The following SREBF2 variants were observed in gnomAD, a reference collection of about 807,000 sequenced individuals.
SREBF2 encodes the protein sterol regulatory element-binding protein 2.
A neutral mutation model predicts 113.1 loss-of-function variants in SREBF2; 55 were observed. The observed-to-expected ratio is 0.49, with a 90% CI of 0.39 to 0.61. The LOEUF is 0.61. Ranked by LOEUF, SREBF2 falls within the 20% of genes least tolerant of loss-of-function variation. The probability of loss-of-function intolerance (pLI) is 0.00; values close to 1 mark genes in which losing one functional copy is unlikely to be tolerated. For synonymous variants in SREBF2, 593 were observed against 605.7 expected, an observed-to-expected ratio of 0.98 and a Z score of 0.31; for missense variants, 1,349 against 1,487.4, an observed-to-expected ratio of 0.91 and a Z score of 1.53.
At chr22:41,848,114 A>C (rs918991278) in intron 1 of SREBF2, among the ~76,000 whole-genome samples, 2 of 151,692 alleles carry the variant, frequency 1.3e-5, no homozygotes, top group Non-Finnish European at 2.9e-5. Flanking sequence ...ATTTATTATT[A>C]TTATACTTTG....
At chr22:41,873,687 A>G in intron 4 of SREBF2, 111 bp from the exon 5 acceptor site, 1 of 1,069,634 alleles carries the variant, frequency 9.3e-7, no homozygotes, top group East Asian at 2.6e-5. Flanking sequence ...AGACCTCATG[A>G]AGTACTGCCA....
rs1323183501 is a variant in SREBF2 at position 41,842,498 on chromosome 22, C to G, written c.88+9140C>G. On this transcript the variant is annotated intron_variant, in intron 1 of 18. Coordinates refer to ENST00000361204, the MANE Select transcript of SREBF2 (RefSeq NM_004599.4). ...GATGATGCCCTGTAATTTATTCATCCAGTCCTTTTTTGATGGACATCTGAA... is the reference window on the plus strand; with the variant it reads ...GATGATGCCCTGTAATTTATTCATCGAGTCCTTTTTTGATGGACATCTGAA... Among the ~76,000 whole-genome samples the G allele has an allele frequency of 2.0e-5, 3 of 152,224 alleles. No homozygotes were observed. The East Asian group carries it at 5.8e-4, about 29-fold the overall frequency.
chr22:41,874,170 C>T (rs2077171668), intron 5 of SREBF2, 151 bp downstream of exon 5: 1 of 802,464 alleles, frequency 1.2e-6, no homozygotes, highest in Non-Finnish European at 2.0e-6. Context: ...GGTGTCATGT[C>T]AAGATTATAA....
chr22:41,866,733 A>G, intron 1 of SREBF2, 98 bp from the exon 2 acceptor site: 1 of 1,401,056 alleles, frequency 7.1e-7, no homozygotes, highest in East Asian at 2.3e-5. Context: ...CCATGGTCTT[A>G]GGAAAGTCAT....
At chr22:41,840,148 C>T (rs1455653244) in intron 1 of SREBF2, among the ~76,000 whole-genome samples, 8 of 151,870 alleles carry the variant, frequency 5.3e-5, no homozygotes, top group South Asian at 4.2e-4. Context: ...TTAGTAGAGA[C>T]GGGGTTTCAC....
At chr22:41,904,728 C>T in intron 17 of SREBF2, 135 bp from the exon 18 acceptor site, 1 of 770,764 alleles carries the variant, frequency 1.3e-6, no homozygotes, top group Admixed American at 2.0e-5. Flanking sequence ...GGTTGCTTTT[C>T]AGGGGTGAGC....
chr22:41,887,808 C>G (rs2077313157), intron 11 of SREBF2, among the ~76,000 whole-genome samples: 1 of 152,146 alleles, frequency 6.6e-6, no homozygotes, highest in Admixed American at 6.5e-5. Context: ...ACTTCTAGTT[C>G]TACATCCTTA....
chr22:41,837,569 A>AT (rs2076788539), intron 1 of SREBF2, among the ~76,000 whole-genome samples: 1 of 148,362 alleles, frequency 6.7e-6, no homozygotes, highest in Admixed American at 6.8e-5. Flanking sequence ...AAAAAAAAAA[A>AT]AAAAAAATGC....
At chr22:41,904,595 G>A (rs906875175) in intron 17 of SREBF2, 14 of 642,486 alleles carry the variant, frequency 2.2e-5, no homozygotes, top group African/African-American at 1.4e-4. Context: ...CACGAGGTGC[G>A]TCCAGGGCTT....
At chr22:41,876,585 A>G (rs2077199764) in intron 7 of SREBF2, among the ~76,000 whole-genome samples, 2 of 152,344 alleles carry the variant, frequency 1.3e-5, no homozygotes, top group South Asian at 2.1e-4. Flanking sequence ...CTCCTGCTGT[A>G]AAATGGAGAG....
At position 41,844,033 on chromosome 22, in the gene SREBF2, TACAC is replaced by T. The variant is rs71311415; in HGVS notation, c.88+10704_88+10707del. ...CCTGTCTCAAAAAAAAAAAAATACA[TACAC>T]ACACACACACACACACACACACACA... is the stretch of plus-strand genomic sequence containing the variant. On this transcript the variant is annotated intron_variant, in intron 1 of 18. Coordinates refer to ENST00000361204, the MANE Select transcript of SREBF2 (RefSeq NM_004599.4). Among the ~76,000 whole-genome samples, 71 of 123,142 alleles carry T rather than the reference TACAC, an allele frequency of 5.8e-4. 2 individuals are homozygous for T. The highest frequency in any genetic ancestry group is 6.5e-4 in the East Asian group (3 of 4,588). 80.8% of individuals were successfully genotyped at this position (123,142 alleles called of 152,430 possible).
At chr22:41,858,992 G>A (rs534776415) in intron 1 of SREBF2, among the ~76,000 whole-genome samples, 3 of 151,690 alleles carry the variant, frequency 2.0e-5, no homozygotes, top group East Asian at 1.9e-4. Context: ...GCGTGGTGGC[G>A]GGCGCCTGTA....
chr22:41,870,909 C>T lies in SREBF2; in HGVS notation c.741C>T (p.Ile247=). 1 of 1,614,198 alleles carries T rather than the reference C, an allele frequency of 6.2e-7. No homozygotes were observed. The highest frequency in any genetic ancestry group is 8.5e-7 in the Non-Finnish European group (1 of 1,180,040). Residue 247 remains isoleucine (I), a synonymous_variant, in exon 4 of 19, where the codon ATC becomes ATT. Transcript: ENST00000361204. ...QQVPVLVQPQ[I]IKTDSLVLTT... ...TCCAGGTCCTGGTCCAGCCTCAGAT[C>T]ATCAAGACAGATTCCCTTGTTTTGA...
chr22:41,905,757 C>G lies in SREBF2; in HGVS notation c.*97C>G. ...GAGTGGTGGGGAAGAGCCTTGTCTT[C>G]TTAGCTGTCACCTGCCGAGGCTTCT... On this transcript the variant is annotated 3_prime_UTR_variant, in exon 19 of 19. Coordinates refer to ENST00000361204, the MANE Select transcript of SREBF2 (RefSeq NM_004599.4). The G allele has an allele frequency of 2.9e-6, 4 of 1,368,192 alleles. No individual in the cohort carries two copies. In the South Asian group the frequency reaches 3.8e-5, roughly 13 times the overall value. 84.8% of individuals were successfully genotyped at this position (1,368,192 alleles called of 1,614,324 possible).
chr22:41,873,313 T>C (rs954091613), intron 4 of SREBF2, among the ~76,000 whole-genome samples: 1 of 152,180 alleles, frequency 6.6e-6, no homozygotes, highest in African/African-American at 2.4e-5. Flanking sequence ...AAATGGCTCT[T>C]ATTGAGAGTG....
At chr22:41,896,359 G>GT (rs1169389421) in intron 13 of SREBF2, among the ~76,000 whole-genome samples, 1 of 151,876 alleles carries the variant, frequency 6.6e-6, no homozygotes, top group African/African-American at 2.4e-5. Flanking sequence ...ATTTTTGTTT[G>GT]TTTTTTGGGG....
At chr22:41,864,223 C>CATATAT (rs756489276) in intron 1 of SREBF2, among the ~76,000 whole-genome samples, 2,811 of 45,908 alleles carry the variant, frequency 0.061, 117 homozygotes, top group Non-Finnish European at 0.076. Flanking sequence ...CTTCTGCAAG[C>CATATAT]ATATATATAT....
chr22:41,891,378 C>G (rs1428256233), intron 11 of SREBF2: 1 of 152,128 alleles, frequency 6.6e-6, no homozygotes, highest in Non-Finnish European at 1.5e-5. Flanking sequence ...TATTGGTGCC[C>G]CTGGTCCCAG....
At chr22:41,867,350 A>G in intron 2 of SREBF2, 70 bp downstream of exon 2, 1 of 1,537,742 alleles carries the variant, frequency 6.5e-7, no homozygotes, top group Non-Finnish European at 9.0e-7. Context: ...CAGACACTGT[A>G]AATATTTCTG....
Sources: allele counts gnomAD v4.1 joint callset (sites outside exome capture counted in the v4.1 genomes callset), GRCh38; gene constraint gnomAD v4.1.1; transcripts MANE v1.5; gene names NCBI Gene and HGNC (gene_info 2026-07-23, HGNC 2026-07-21).